Variants in PHF20 observed in about 807,000 individuals in gnomAD.
PHF20 encodes glioma-expressed antigen 2.
PHF20 carries 23 observed loss-of-function variants against 113.5 expected under a neutral mutation model. That is an observed-to-expected ratio of 0.20 (90% CI 0.15 to 0.29). PHF20 has a LOEUF of 0.29. Among genes scored for constraint, PHF20 ranks in the 10% least tolerant of loss-of-function variants. The pLI is 1.00. For synonymous variants in PHF20, 434 were observed against 457.3 expected, an observed-to-expected ratio of 0.95 and a Z score of 0.65; for missense variants, 943 against 1,219.6, an observed-to-expected ratio of 0.77 and a Z score of 3.38.
At chr20:35,871,172 G>A (rs745897780) in intron 8 of PHF20, 38 bp downstream of exon 8, 1 of 1,517,292 alleles carries the variant, frequency 6.6e-7, no homozygotes, top group Non-Finnish European at 9.0e-7. Flanking sequence ...TGCCAACCTG[G>A]TTCCTATTTA....
Position 35,783,243 on chromosome 20 carries a change from T to A in PHF20, c.-33+11164T>A, listed in dbSNP as rs2041338174. Among the ~76,000 whole-genome samples the A allele has an allele frequency of 2.0e-5, 3 of 151,538 alleles. No homozygotes were observed. The South Asian group carries it at 6.3e-4, about 32-fold the overall frequency. On this transcript the variant is annotated intron_variant, in intron 1 of 17. Coordinates refer to ENST00000374012, the MANE Select transcript of PHF20 (RefSeq NM_016436.5). ...GAAAAAGAAAACATAGTTTATAGAGTTTTCCTGGCTTGAAGATTTATGAGG... is the reference window on the plus strand; with the variant it reads ...GAAAAAGAAAACATAGTTTATAGAGATTTCCTGGCTTGAAGATTTATGAGG...
intron 9 of PHF20, among the ~76,000 whole-genome samples, chr20:35,879,632 A>G (rs2054590307): frequency 6.6e-6 from 1 of 152,016 alleles, no homozygotes; most frequent in African/African-American, 2.4e-5. Flanking sequence ...CACTTGTGAA[A>G]TTCTCCTGTC....
At chr20:35,825,450 A>G (rs2042243955) in intron 2 of PHF20, among the ~76,000 whole-genome samples, 2 of 152,114 alleles carry the variant, frequency 1.3e-5, no homozygotes, top group South Asian at 4.1e-4. Context: ...CTCAGGCTCC[A>G]CTTTACTCAG....
intron 1 of PHF20, among the ~76,000 whole-genome samples, chr20:35,789,605 G>A (rs1434905032): frequency 6.6e-6 from 1 of 151,930 alleles, no homozygotes. Context: ...GGAGTGCAGT[G>A]GCGGGATCTC....
intron 10 of PHF20, among the ~76,000 whole-genome samples, chr20:35,909,738 G>C (rs11696912): frequency 0.097 from 14,812 of 152,176 alleles, 776 homozygotes; most frequent in Middle Eastern, 0.15. Context: ...TCTCTAGCCA[G>C]TAGATCAACT....
At chr20:35,860,577 G>A (rs2054202223) in intron 5 of PHF20, among the ~76,000 whole-genome samples, 1 of 152,038 alleles carries the variant, frequency 6.6e-6, no homozygotes, top group African/African-American at 2.4e-5. Flanking sequence ...TACCTTTAGT[G>A]GTAACCTCAA....
intron 6 of PHF20, among the ~76,000 whole-genome samples, chr20:35,866,982 G>T (rs536519243): frequency 2.6e-5 from 4 of 152,290 alleles, no homozygotes; most frequent in Non-Finnish European, 4.4e-5. Flanking sequence ...CTGTCTGGAT[G>T]GGAATCTGGG....
chr20:35,841,807 T>G (rs1168016821), intron 2 of PHF20, among the ~76,000 whole-genome samples: 1 of 151,994 alleles, frequency 6.6e-6, no homozygotes, highest in Non-Finnish European at 1.5e-5. Flanking sequence ...AACTGCACAG[T>G]ATTCCATTAT....
intron 2 of PHF20, among the ~76,000 whole-genome samples, chr20:35,814,892 A>AAAAAT (rs2042043682): frequency 2.7e-5 from 3 of 110,182 alleles, no homozygotes; most frequent in East Asian, 2.5e-4. Flanking sequence ...AAAAAAAAAT[A>AAAAAT]AAATAAATAA....
At chr20:35,798,058 T>A (rs2041702641) in intron 1 of PHF20, among the ~76,000 whole-genome samples, 2 of 147,666 alleles carry the variant, frequency 1.4e-5, no homozygotes, top group African/African-American at 4.9e-5. Flanking sequence ...TAGGAAAGTA[T>A]TTAAGAAGAA....
chr20:35,863,528 C>T, intron 6 of PHF20, 128 bp downstream of exon 6: 1 of 976,892 alleles, frequency 1.0e-6, no homozygotes, highest in South Asian at 2.0e-5. Context: ...GTCTTATGAT[C>T]TGGAAACAAG....
chr20:35,817,086 G>A (rs1190269435), intron 2 of PHF20, among the ~76,000 whole-genome samples: 1 of 151,736 alleles, frequency 6.6e-6, no homozygotes, highest in East Asian at 1.9e-4. Flanking sequence ...CACTGCGCCT[G>A]GCCATAAGTG....
chr20:35,926,780 A>T (rs2055647957), intron 13 of PHF20, among the ~76,000 whole-genome samples: 1 of 152,158 alleles, frequency 6.6e-6, no homozygotes. Context: ...CCAGTGGTTG[A>T]GGACCATCTG....
chr20:35,812,803 G>A lies in PHF20; in HGVS notation c.83+11198G>A, dbSNP rs142783840. The stretch of plus-strand genomic sequence containing the variant: ...ATAATCTGTGGGGATACTCTGGTAC[G>A]TGTCAATATCCTATTATCCCCCCAC... On this transcript the variant is annotated intron_variant, in intron 2 of 17. Transcript: ENST00000374012. Among the ~76,000 whole-genome samples the A allele has an allele frequency of 1.3e-3, 191 of 152,108 alleles. 2 individuals are homozygous for A. The East Asian group carries it at 0.035, about 28-fold the overall frequency.
At chr20:35,931,167 G>A in intron 14 of PHF20, 82 bp from the exon 15 acceptor site, 1 of 909,410 alleles carries the variant, frequency 1.1e-6, no homozygotes, top group Non-Finnish European at 1.7e-6. Context: ...CCAGTAGTTG[G>A]TATGATAATT....
chr20:35,804,727 C>T (rs1046128099), intron 2 of PHF20, among the ~76,000 whole-genome samples: 5 of 151,622 alleles, frequency 3.3e-5, no homozygotes, highest in African/African-American at 1.2e-4. Context: ...TGCTTAAATT[C>T]CAGTTTTTCA....
chr20:35,931,562 C>CT, intron 15 of PHF20, 118 bp downstream of exon 15: 1 of 686,694 alleles, frequency 1.5e-6, no homozygotes, highest in Non-Finnish European at 2.3e-6. Flanking sequence ...AGTTTGAGAC[C>CT]TTTACTAAAA....
chr20:35,857,399 A>T (rs544781246), intron 4 of PHF20, among the ~76,000 whole-genome samples: 1 of 152,242 alleles, frequency 6.6e-6, no homozygotes, highest in East Asian at 1.9e-4. Flanking sequence ...GAAAAAACTA[A>T]CAGTGTAGCA....
intron 13 of PHF20, among the ~76,000 whole-genome samples, chr20:35,926,686 CA>C (rs1361292534): frequency 2.6e-5 from 4 of 152,126 alleles, no homozygotes; most frequent in Non-Finnish European, 5.9e-5. Flanking sequence ...CCGCTCTGCC[CA>C]CATTGATTCT....
Sources: allele counts gnomAD v4.1 joint callset (sites outside exome capture counted in the v4.1 genomes callset), GRCh38; gene constraint gnomAD v4.1.1; transcripts MANE v1.5; gene names NCBI Gene and HGNC (gene_info 2026-07-23, HGNC 2026-07-21).